COX10: variants seen among roughly 807,000 people sequenced by gnomAD.
COX10 encodes protoheme IX farnesyltransferase, mitochondrial.
COX10 carries 27 observed loss-of-function variants against 37.3 expected under a neutral mutation model. The observed-to-expected ratio is 0.72, with a 90% CI of 0.53 to 1.00. COX10 has a LOEUF of 1.00. Among genes scored for constraint, COX10 ranks in the 50% least tolerant of loss-of-function variants. The pLI is 0.00. For synonymous variants in COX10, 222 were observed against 229.1 expected, an observed-to-expected ratio of 0.97 and a Z score of 0.28; for missense variants, 475 against 563.2, an observed-to-expected ratio of 0.84 and a Z score of 1.59.
At chr17:14,184,604 A>G (rs1905971030) in intron 5 of COX10, among the ~76,000 whole-genome samples, 2 of 152,190 alleles carry the variant, frequency 1.3e-5, no homozygotes, top group Admixed American at 6.5e-5. Flanking sequence ...AAATTAAAAC[A>G]AAGTAGATAG....
Position 14,207,323 on chromosome 17 carries a change from G to A in COX10, c.*110G>A, listed in dbSNP as rs1021249227. The stretch of plus-strand genomic sequence containing the variant: ...CTGGGTTTAGAACAAGATTATAAAC[G>A]AATTCGGTGCTCAGTGATCACTTGA... On this transcript the variant is annotated 3_prime_UTR_variant, in exon 7 of 7. Coordinates refer to ENST00000261643, the MANE Select transcript of COX10 (RefSeq NM_001303.4). The A allele has an allele frequency of 1.5e-6, 2 of 1,343,640 alleles. No individual in the cohort carries two copies. Among genetic ancestry groups the A allele is most frequent in the Non-Finnish European group, 2.0e-6 (2 of 1,022,466 alleles). 83.2% of individuals were successfully genotyped at this position (1,343,640 alleles called of 1,614,324 possible). A position where few individuals can be genotyped will look rare whatever the true frequency, so the allele number is the denominator to read the frequency against.
At chr17:14,173,564 T>C (rs978605860) in intron 5 of COX10, among the ~76,000 whole-genome samples, 9 of 152,126 alleles carry the variant, frequency 5.9e-5, no homozygotes, top group Admixed American at 2.0e-4. Context: ...CCTGGCCAGC[T>C]GTAGAGGGAA....
intron 3 of COX10, among the ~76,000 whole-genome samples, chr17:14,089,842 C>G (rs1047679694): frequency 3.3e-5 from 5 of 152,000 alleles, no homozygotes; most frequent in Admixed American, 6.6e-5. Flanking sequence ...TAATGGTCCC[C>G]ATAGCATACT....
chr17:14,204,949 T>C (rs560407786), intron 6 of COX10, among the ~76,000 whole-genome samples: 1 of 152,066 alleles, frequency 6.6e-6, no homozygotes, highest in South Asian at 2.1e-4. Context: ...AAAAAGTTGT[T>C]TTAAAAAGTT....
intron 4 of COX10, among the ~76,000 whole-genome samples, chr17:14,129,337 T>C (rs1048775109): frequency 1.3e-4 from 20 of 152,042 alleles, no homozygotes; most frequent in Non-Finnish European, 2.9e-4. Context: ...TAATGTAATA[T>C]AATAAATGTG....
intron 6 of COX10, among the ~76,000 whole-genome samples, chr17:14,193,114 C>T (rs1273572679): frequency 6.6e-6 from 1 of 152,184 alleles, no homozygotes; most frequent in Non-Finnish European, 1.5e-5. Context: ...TATTCTAAAA[C>T]GTATGTGCTT....
intron 2 of COX10, among the ~76,000 whole-genome samples, chr17:14,075,685 GC>G (rs1270582587): frequency 2.6e-5 from 4 of 152,072 alleles, no homozygotes; most frequent in African/African-American, 9.7e-5. Context: ...TCTTCATCCT[GC>G]CCTGCTATAA....
chr17:14,171,516 G>A (rs1245215704), intron 5 of COX10, among the ~76,000 whole-genome samples: 2 of 151,656 alleles, frequency 1.3e-5, no homozygotes, highest in African/African-American at 2.4e-5. Context: ...CCAGTGTGAC[G>A]TGGGAGCACA....
intron 5 of COX10, among the ~76,000 whole-genome samples, chr17:14,181,066 A>G (rs1361257499): frequency 3.3e-5 from 5 of 152,050 alleles, no homozygotes; most frequent in Non-Finnish European, 7.4e-5. Flanking sequence ...ATGGAGACCA[A>G]CCATGTGGAG....
intron 3 of COX10, among the ~76,000 whole-genome samples, chr17:14,090,029 T>C (rs891434302): frequency 6.6e-6 from 1 of 152,038 alleles, no homozygotes; most frequent in South Asian, 2.1e-4. Context: ...TTTTTGCTTC[T>C]TCTCTCCTCT....
At chr17:14,103,502 T>C (rs1193132019) in intron 4 of COX10, among the ~76,000 whole-genome samples, 1 of 152,150 alleles carries the variant, frequency 6.6e-6, no homozygotes, top group Admixed American at 6.6e-5. Context: ...ATCTTAAGGA[T>C]TTAAATTATG....
At position 14,140,861 on chromosome 17, in the gene COX10, CT is replaced by C. The variant is rs2142225614; in HGVS notation, c.625-19012del. The stretch of plus-strand genomic sequence containing the variant: ...CAGAATCTTGACTTGTGGTAATCTT[CT>C]TTTAAAAAAGCTTTTAACAGAATTA... On this transcript the variant is annotated intron_variant, in intron 4 of 6. Coordinates refer to ENST00000261643, the MANE Select transcript of COX10 (RefSeq NM_001303.4). Among the ~76,000 whole-genome samples, 3 of 152,104 alleles carry C rather than the reference CT, an allele frequency of 2.0e-5. 1 individual carries two copies. The South Asian group carries it at 6.2e-4, about 32-fold the overall frequency.
At position 14,116,311 on chromosome 17, in the gene COX10, G is replaced by A. The variant is rs547572212; in HGVS notation, c.624+14069G>A. Among the ~76,000 whole-genome samples the A allele has an allele frequency of 8.5e-5, 13 of 152,198 alleles. No individual in the cohort carries two copies. In the South Asian group the frequency reaches 2.3e-3, roughly 27 times the overall value. On this transcript the variant is annotated intron_variant, in intron 4 of 6. Coordinates refer to ENST00000261643, the MANE Select transcript of COX10 (RefSeq NM_001303.4). ...AAGTTTAAGTTGCCAGCCATCCTGA[G>A]TAGCCATTAGTGAAAATGTATTTCA...
chr17:14,128,432 T>G (rs1916391898), intron 4 of COX10, among the ~76,000 whole-genome samples: 1 of 152,206 alleles, frequency 6.6e-6, no homozygotes, highest in African/African-American at 2.4e-5. Flanking sequence ...CAGTTATGAC[T>G]TAATTATATT....
intron 2 of COX10, among the ~76,000 whole-genome samples, chr17:14,076,334 G>A (rs1021467850): frequency 3.7e-4 from 56 of 151,956 alleles, no homozygotes; most frequent in African/African-American, 1.2e-3. Context: ...TCCTAGGCTC[G>A]AGGATCCTGG....
intron 3 of COX10, among the ~76,000 whole-genome samples, chr17:14,101,607 C>T (rs115183849): frequency 0.011 from 1,705 of 152,264 alleles, 29 homozygotes; most frequent in African/African-American, 0.039. Flanking sequence ...TCTCCCACTA[C>T]GCATTCTCTG....
intron 4 of COX10, among the ~76,000 whole-genome samples, chr17:14,148,590 G>A (rs1904799162): frequency 6.6e-6 from 1 of 152,192 alleles, no homozygotes; most frequent in Admixed American, 6.5e-5. Context: ...TTGTTTTCCT[G>A]TTGACTCTCT....
chr17:14,197,771 C>A (rs1333513171), intron 6 of COX10, among the ~76,000 whole-genome samples: 1 of 152,228 alleles, frequency 6.6e-6, no homozygotes, highest in Admixed American at 6.5e-5. Context: ...TGCCGCAAAG[C>A]ATGGGCCCAG....
chr17:14,136,929 A>G (rs11078226), intron 4 of COX10, among the ~76,000 whole-genome samples: 35,576 of 151,924 alleles, frequency 0.23, 5,196 homozygotes, highest in Admixed American at 0.32. Context: ...TTAAAACTTC[A>G]AGTTTACTTA....
Sources: gnomAD v4.1 joint callset for allele counts (sites outside exome capture counted in the v4.1 genomes callset) on GRCh38, gnomAD v4.1.1 for gene constraint, MANE v1.5 for transcripts, NCBI Gene and HGNC (gene_info 2026-07-23, HGNC 2026-07-21) for gene names.